The following C1orf87 variants were observed in gnomAD, a reference collection of about 807,000 sequenced individuals.
C1orf87 encodes the protein uncharacterized protein C1orf87.
In C1orf87, 58 loss-of-function variants were observed where a neutral mutation model predicts 60.5. The ratio of observed to expected loss-of-function variants is 0.96; its 90% CI spans 0.78 to 1.19. The LOEUF is 1.19. Ranked by LOEUF, C1orf87 falls within the 50% of genes most tolerant of loss-of-function variation. The probability of loss-of-function intolerance (pLI) is 0.00; values close to 1 mark genes in which losing one functional copy is unlikely to be tolerated. For synonymous variants in C1orf87, 236 were observed against 227.4 expected, an observed-to-expected ratio of 1.04 and a Z score of -0.34; for missense variants, 673 against 638.6, an observed-to-expected ratio of 1.05 and a Z score of -0.58.
At chr1:60,006,604 C>A (rs1645047811) in intron 9 of C1orf87, among the ~76,000 whole-genome samples, 1 of 151,772 alleles carries the variant, frequency 6.6e-6, no homozygotes, top group Non-Finnish European at 1.5e-5. Flanking sequence ...TTTCTGCATC[C>A]TCTTCTTCTT....
intron 2 of C1orf87, among the ~76,000 whole-genome samples, chr1:60,064,106 A>C (rs1473393974): frequency 6.6e-6 from 1 of 151,522 alleles, no homozygotes; most frequent in East Asian, 1.9e-4. Flanking sequence ...CCTGTGCTGG[A>C]TGCTTCCTGA....
rs181580200 is a variant in C1orf87, at chr1:60,042,944, C to T, written c.343-1813G>A. On this transcript the variant is annotated intron_variant, in intron 3 of 11. Transcript: ENST00000371201. ...TCCACCTGATCTGGACTTGGTGGTCCGGGTCTGAAGGGAATGGCATCTAAA... is the reference window on the plus strand; with the variant it reads ...TCCACCTGATCTGGACTTGGTGGTCTGGGTCTGAAGGGAATGGCATCTAAA... Among the ~76,000 whole-genome samples the T allele has an allele frequency of 3.3e-5, 5 of 152,158 alleles. No individual in the cohort carries two copies. The East Asian group carries it at 7.8e-4, about 24-fold the overall frequency.
At chr1:60,008,911 T>C in intron 9 of C1orf87, 1 of 288,688 alleles carries the variant, frequency 3.5e-6, no homozygotes, top group Non-Finnish European at 6.9e-6. Context: ...TAGAACCATC[T>C]GTGTGGTGAC....
chr1:60,056,381 G>A (rs372968486), intron 2 of C1orf87, among the ~76,000 whole-genome samples: 1 of 152,110 alleles, frequency 6.6e-6, no homozygotes, highest in African/African-American at 2.4e-5. Flanking sequence ...CTCTGACATT[G>A]TAGAACAATG....
intron 7 of C1orf87, among the ~76,000 whole-genome samples, chr1:60,029,846 G>A (rs1028336860): frequency 2.6e-5 from 4 of 151,606 alleles, no homozygotes; most frequent in African/African-American, 4.8e-5. Flanking sequence ...TCACCATGTT[G>A]GCCAGGATGG....
chr1:59,993,990 C>T (rs1356338571), intron 11 of C1orf87, among the ~76,000 whole-genome samples: 1 of 152,052 alleles, frequency 6.6e-6, no homozygotes, highest in Non-Finnish European at 1.5e-5. Flanking sequence ...AACTCCTGAC[C>T]TCAGGTGATC....
intron 9 of C1orf87, among the ~76,000 whole-genome samples, chr1:60,004,414 C>G (rs957892746): frequency 6.6e-6 from 1 of 151,994 alleles, no homozygotes; most frequent in Admixed American, 6.6e-5. Flanking sequence ...AGAAGAGAAA[C>G]TAACATTAAT....
intron 2 of C1orf87, among the ~76,000 whole-genome samples, chr1:60,058,130 G>A (rs1256996445): frequency 6.6e-6 from 1 of 152,174 alleles, no homozygotes; most frequent in East Asian, 1.9e-4. Flanking sequence ...TCATTTGGTT[G>A]TCCAAAAATA....
At chr1:60,073,345 C>G (rs1645596776) in intron 1 of C1orf87, among the ~76,000 whole-genome samples, 1 of 152,156 alleles carries the variant, frequency 6.6e-6, no homozygotes, top group East Asian at 1.9e-4. Context: ...CTTTTAGAAC[C>G]ACCCAGAGGC....
chr1:60,066,739 T>C lies in C1orf87; in HGVS notation c.107+5798A>G, dbSNP rs534763431. 2.1e-4 allele frequency among the ~76,000 whole-genome samples: 32 copies of C among 152,150 alleles called. No individual in the cohort carries two copies. The East Asian group carries it at 3.5e-3, about 17-fold the overall frequency. On this transcript the variant is annotated intron_variant, in intron 2 of 11. Transcript: ENST00000371201. ...ATGTGCAGAATGTGCAGGTTTGTTA[T>C]ATAGGTATACACATGCCATGGTGGT... is the stretch of plus-strand genomic sequence containing the variant.
chr1:59,990,686 A>G lies in C1orf87; in HGVS notation c.1628T>C (p.Leu543Ser), dbSNP rs1644914607. The G allele has an allele frequency of 6.2e-7, 1 of 1,613,926 alleles. No homozygotes were observed. The highest frequency in any genetic ancestry group is 8.5e-7 in the Non-Finnish European group (1 of 1,179,896). The stretch of plus-strand genomic sequence containing the variant: ...ATGGGCTTGTTATCATAGCTCCTTT[A>G]AGTACCGCAGTGCTGGCTCCAAGAG... ...NMLLEPALRY[L>S]KEL Residue 543 changes from leucine (L) to serine (S), a missense_variant, in exon 12 of 12, where the codon TTA becomes TCA. Leu to Ser is a moderately radical substitution (Grantham distance 145). Transcript: ENST00000371201.
chr1:60,043,969 A>T (rs1370757707), intron 3 of C1orf87, among the ~76,000 whole-genome samples: 1 of 151,994 alleles, frequency 6.6e-6, no homozygotes, highest in Non-Finnish European at 1.5e-5. Flanking sequence ...GGCAGGTGTG[A>T]CTCCTGTCCT....
rs139126465 is a variant in C1orf87, at chr1:60,025,381, C to T, written c.1127+20G>A. The T allele has an allele frequency of 1.1e-5, 18 of 1,577,604 alleles. No individual in the cohort carries two copies. The highest frequency in any genetic ancestry group is 3.4e-4 in the Middle Eastern group (2 of 5,964). On this transcript the variant is annotated intron_variant, in intron 8 of 11. Transcript: ENST00000371201. ...GGGTGGTGGATACAAACATTCAGTT[C>T]TTAATAAGAGTTGACTTACTTTATT... is the stretch of plus-strand genomic sequence containing the variant.
intron 3 of C1orf87, among the ~76,000 whole-genome samples, chr1:60,050,601 CT>C (rs1461370373): frequency 6.8e-6 from 1 of 147,078 alleles, no homozygotes; most frequent in Non-Finnish European, 1.5e-5. Context: ...AGTTTTACCT[CT>C]TCTTTTCTAA....
intron 8 of C1orf87, among the ~76,000 whole-genome samples, chr1:60,022,350 A>G (rs1328694458): frequency 6.6e-6 from 1 of 151,972 alleles, no homozygotes; most frequent in Non-Finnish European, 1.5e-5. Flanking sequence ...GTGACAGGGA[A>G]CCAGATTCTG....
At chr1:60,034,381 C>T (rs898644770) in intron 6 of C1orf87, among the ~76,000 whole-genome samples, 1 of 152,172 alleles carries the variant, frequency 6.6e-6, no homozygotes. Context: ...CCTCCAGATC[C>T]AGGTGTACTA....
intron 3 of C1orf87, among the ~76,000 whole-genome samples, chr1:60,050,094 T>C (rs1003287028): frequency 6.6e-6 from 1 of 152,134 alleles, no homozygotes; most frequent in African/African-American, 2.4e-5. Context: ...CTATTCATGC[T>C]TGTTTGTTAT....
At chr1:60,073,562 AC>A (rs1645598306) in intron 1 of C1orf87, 127 bp downstream of exon 1, 1 of 152,310 alleles carries the variant, frequency 6.6e-6, no homozygotes, top group African/African-American at 2.4e-5. Flanking sequence ...CATCCCGGGG[AC>A]CTGCAGCCTC....
intron 9 of C1orf87, among the ~76,000 whole-genome samples, chr1:60,010,146 G>A (rs1645072883): frequency 6.6e-6 from 1 of 151,644 alleles, no homozygotes; most frequent in South Asian, 2.1e-4. Context: ...CATCTATAAG[G>A]GCTACCACTA....
Sources: gnomAD v4.1 joint callset for allele counts (sites outside exome capture counted in the v4.1 genomes callset) on GRCh38, gnomAD v4.1.1 for gene constraint, MANE v1.5 for transcripts, NCBI Gene and HGNC (gene_info 2026-07-23, HGNC 2026-07-21) for gene names.